The following FANCI variants were observed in gnomAD, a reference collection of about 807,000 sequenced individuals.
The protein encoded by FANCI is FA complementation group I.
Under a neutral mutation model 176.1 loss-of-function variants are expected in FANCI, and 156 were observed. That is an observed-to-expected ratio of 0.89 (90% confidence interval 0.78 to 1.01). FANCI has a LOEUF of 1.01. FANCI is among the 50% of genes least tolerant of loss of function. The pLI is 0.00. For synonymous variants in FANCI, 613 were observed against 541.7 expected (o/e 1.13, Z -1.83); for missense variants, 1,678 against 1,534.1 (o/e 1.09, Z -1.57).
rs774051668 is a variant in FANCI at position 89,273,444 on chromosome 15, C to G, written c.950C>G (p.Thr317Arg). Residue 317 changes from threonine (T) to arginine (R), a missense_variant, in exon 11 of 38, where the codon ACA becomes AGA. Coordinates refer to ENST00000310775, the MANE Select transcript of FANCI (RefSeq NM_001113378.2). ...PFSIALLLSV[T>R]RIQRFQDQVL... ...AGCATTGCTCTTCTTCTGTCTGTAA[C>G]AAGAATACAAAGATTTCAGGACCAG... 1 of 1,540,296 alleles carries G rather than the reference C, an allele frequency of 6.5e-7. No individual in the cohort carries two copies. The highest frequency in any genetic ancestry group is 1.5e-5 in the African/African-American group (1 of 67,234).
In FANCI at chr15:89,300,285, C is replaced by G; in HGVS notation, c.2804-15C>G. 6.2e-7 allele frequency: 1 copy of G among 1,611,232 alleles called. No homozygotes were observed. Among genetic ancestry groups the G allele is most frequent in the Non-Finnish European group, 8.5e-7 (1 of 1,177,690 alleles). ...TTTATATCAAAGAAGACAAGAGTTT[C>G]TTTTCCATTCCTAGATGTCACAGAT... is the stretch of plus-strand genomic sequence containing the variant. On this transcript the variant is annotated splice_polypyrimidine_tract_variant and intron_variant, in intron 25 of 37. Transcript: ENST00000310775.
At chr15:89,263,837 G>T in intron 7 of FANCI, 66 bp from the exon 8 acceptor site, 1 of 1,594,154 alleles carries the variant, frequency 6.3e-7, no homozygotes, top group Non-Finnish European at 8.6e-7. Flanking sequence ...GTAAAGCCCT[G>T]AATTGAATTT....
At position 89,256,022 on chromosome 15, in the gene FANCI, G is replaced by T. The variant is rs140636292; in HGVS notation, c.85-2682G>T. On this transcript the variant is annotated intron_variant, in intron 2 of 37. Coordinates refer to ENST00000310775, the MANE Select transcript of FANCI (RefSeq NM_001113378.2). ...CCTGAGGTTTTATAGCTAGTAAATG[G>T]CATAGCTAGGATTTACATCCAGGGC... is the stretch of plus-strand genomic sequence containing the variant. 5.5e-3 allele frequency among the ~76,000 whole-genome samples: 842 copies of T among 152,312 alleles called. 1 individual carries two copies. The highest frequency in any genetic ancestry group is 8.3e-3 in the Non-Finnish European group (567 of 68,030).
chr15:89,307,344 G>A (rs1307725815), intron 32 of FANCI, 132 bp from the exon 33 acceptor site: 1 of 832,280 alleles, frequency 1.2e-6, no homozygotes, highest in African/African-American at 1.7e-5. Context: ...GGAAGCTTGT[G>A]TCTTGGCTTC....
intron 16 of FANCI, 87 bp from the exon 17 acceptor site, chr15:89,283,049 C>G (rs1270470030): frequency 2.4e-6 from 3 of 1,274,240 alleles, no homozygotes; most frequent in South Asian, 2.4e-5. Flanking sequence ...TATGCCTTCT[C>G]TGTATGCAAC....
intron 17 of FANCI, 104 bp from the exon 18 acceptor site, chr15:89,284,992 G>T (rs2053759993): frequency 7.2e-7 from 1 of 1,397,230 alleles, no homozygotes; most frequent in South Asian, 1.2e-5. Flanking sequence ...GGTTTGGCAT[G>T]TGGAGGAAGC....
In FANCI at chr15:89,301,394, C is replaced by T; in HGVS notation, c.2958C>T (p.Val986=). ...DFNSKEALLL[V]TVLTSLSKLL... ...ATAGCAAAGAAGCCCTCCTGCTAGT[C>T]ACGGTTCTTACCAGTTTGTCCAAGT... The change falls in exon 27 of 38, where the codon GTC becomes GTT. Residue 986 remains valine, a synonymous_variant. Transcript: ENST00000310775. 1.2e-6 allele frequency: 2 copies of T among 1,613,808 alleles called. No individual in the cohort carries two copies. The highest frequency in any genetic ancestry group is 1.7e-5 in the Admixed American group (1 of 60,016).
Position 89,301,443 on chromosome 15 carries a change from G to A in FANCI, c.3006+1G>A. 6.3e-7 allele frequency: 1 copy of A among 1,597,768 alleles called. No homozygotes were observed. Among genetic ancestry groups the A allele is most frequent in the Non-Finnish European group, 8.6e-7 (1 of 1,165,084 alleles). On this transcript the variant is annotated splice_donor_variant, in intron 27 of 37. Transcript: ENST00000310775. LOFTEE classifies it high-confidence loss of function. ...GTTACTGGAGCCCTCCTCTCCTCAGGTACTAGTACCGCTAACTTAATCCCA... is the reference window on the plus strand; with the variant it reads ...GTTACTGGAGCCCTCCTCTCCTCAGATACTAGTACCGCTAACTTAATCCCA...
chr15:89,244,663 T>G (rs768865794), intron 1 of FANCI, among the ~76,000 whole-genome samples: 1 of 152,234 alleles, frequency 6.6e-6, no homozygotes, highest in Non-Finnish European at 1.5e-5. Context: ...GGTTGGTGTG[T>G]CCTGTTTGCA....
In FANCI at chr15:89,286,977, C is replaced by CTTTTTTTTTTTTTTTTTTTTTTTTTT. The variant is rs543431700; in HGVS notation, c.1821+1780_1821+1781insTTTTTTTTTTTTTTTTTTTTTTTTTT. On this transcript the variant is annotated intron_variant, in intron 18 of 37. Transcript: ENST00000310775. ...TCAGCATTTGCTGCTTCACCTTGCA[C>CTTTTTTTTTTTTTTTTTTTTTTTTTT]TTTTTTTTTTTTTTTTTTTTTGAGT... Among the ~76,000 whole-genome samples the CTTTTTTTTTTTTTTTTTTTTTTTTTT allele has an allele frequency of 1.2e-4, 10 of 86,042 alleles. 2 individuals are homozygous for CTTTTTTTTTTTTTTTTTTTTTTTTTT. The highest frequency in any genetic ancestry group is 4.2e-4 in the African/African-American group (9 of 21,182). The allele number at this position is 86,042 out of a possible 152,430, so 56.4% of individuals were successfully genotyped here.
At chr15:89,281,058 G>C (rs1567156918) in intron 14 of FANCI, 112 bp from the exon 15 acceptor site, 2 of 1,088,582 alleles carry the variant, frequency 1.8e-6, no homozygotes, top group African/African-American at 1.6e-5. Flanking sequence ...CAGTATACTT[G>C]ACTTATTTGA....
At chr15:89,314,031 C>T (rs1284318786) in intron 35 of FANCI, among the ~76,000 whole-genome samples, 3 of 143,004 alleles carry the variant, frequency 2.1e-5, no homozygotes, top group East Asian at 2.1e-4. Context: ...TTACAGTTCA[C>T]GTTAGGGGGA....
chr15:89,307,516 A>G lies in FANCI; in HGVS notation c.3578A>G (p.Asn1193Ser). ...VCQSSGGIPK[N>S]MEKLVKLSGS... ...CAGAGCTCCGGAGGAATTCCAAAAA[A>G]TATGGAAAAGCTGGTGAGTTGAGAA... Residue 1193 changes from asparagine to serine, a missense_variant, in exon 33 of 38, where the codon AAT becomes AGT. Asn to Ser is a conservative substitution (Grantham distance 46). Transcript: ENST00000310775. 6.2e-7 allele frequency: 1 copy of G among 1,614,260 alleles called. No homozygotes were observed. The highest frequency in any genetic ancestry group is 8.5e-7 in the Non-Finnish European group (1 of 1,180,048).
intron 3 of FANCI, among the ~76,000 whole-genome samples, chr15:89,260,172 A>T (rs2052656804): frequency 6.6e-6 from 1 of 152,120 alleles, no homozygotes; most frequent in Non-Finnish European, 1.5e-5. Flanking sequence ...CATGATCCAG[A>T]TATTTTAAAA....
intron 34 of FANCI, among the ~76,000 whole-genome samples, chr15:89,311,926 C>A (rs568291163): frequency 6.6e-6 from 1 of 152,282 alleles, no homozygotes; most frequent in South Asian, 2.1e-4. Flanking sequence ...TCTCCTGACT[C>A]AAGTCTTGAT....
intron 14 of FANCI, among the ~76,000 whole-genome samples, chr15:89,280,922 C>T (rs949564178): frequency 2.0e-5 from 3 of 152,078 alleles, no homozygotes; most frequent in Non-Finnish European, 2.9e-5. Flanking sequence ...GCAGTGTAAT[C>T]GGTTTCTTCC....
intron 18 of FANCI, among the ~76,000 whole-genome samples, chr15:89,285,509 C>T (rs1000267832): frequency 5.3e-5 from 8 of 152,122 alleles, no homozygotes; most frequent in African/African-American, 1.9e-4. Context: ...CGCCCGTGGT[C>T]CCAGCTACTC....
In FANCI at chr15:89,246,329, T is replaced by C. The variant is rs563917984; in HGVS notation, c.-19-1300T>C. Among the ~76,000 whole-genome samples, 3 of 152,348 alleles carry C rather than the reference T, an allele frequency of 2.0e-5. No individual in the cohort carries two copies. In the East Asian group the frequency reaches 5.8e-4, roughly 29 times the overall value. On this transcript the variant is annotated intron_variant, in intron 1 of 37. Transcript: ENST00000310775. ...GTCTCTTAGCATTTGCTGTTTCTTC[T>C]TACCTTCTCCCCACTTTAATCTGCA...
At chr15:89,312,694 C>T (rs1455040265) in intron 34 of FANCI, among the ~76,000 whole-genome samples, 1 of 152,080 alleles carries the variant, frequency 6.6e-6, no homozygotes, top group Non-Finnish European at 1.5e-5. Flanking sequence ...GTGGCACGTG[C>T]CTGTAGTCCC....
Sources: gnomAD v4.1 joint callset for allele counts (sites outside exome capture counted in the v4.1 genomes callset) on GRCh38, gnomAD v4.1.1 for gene constraint, MANE v1.5 for transcripts, NCBI Gene and HGNC (gene_info 2026-07-23, HGNC 2026-07-21) for gene names.